Variants in FSD1L observed in about 807,000 individuals in gnomAD.
The protein encoded by FSD1L is fibronectin type III and SPRY domain containing 1 like.
In FSD1L, 45 loss-of-function variants were observed where a neutral mutation model predicts 71.6. The ratio of observed to expected loss-of-function variants is 0.63; its 90% CI spans 0.49 to 0.81. FSD1L has a LOEUF of 0.81. Among genes scored for constraint, FSD1L ranks in the 30% least tolerant of loss-of-function variants. FSD1L has a pLI of 0.00. For missense variants in FSD1L, 561 were observed against 618.1 expected, an observed-to-expected ratio of 0.91 and a Z score of 0.98; for synonymous variants, 197 against 207.2, an observed-to-expected ratio of 0.95 and a Z score of 0.42.
rs112978970 is a variant in FSD1L at position 105,522,789 on chromosome 9, T to C, written c.1025+9853T>C. 5,702 of 1,612,684 alleles carry C rather than the reference T, an allele frequency of 3.5e-3. 169 individuals carry two copies. The African/African-American group carries it at 0.066, about 19-fold the overall frequency. On this transcript the variant is annotated intron_variant, in intron 10 of 13. Transcript: ENST00000481272. The stretch of plus-strand genomic sequence containing the variant: ...TCTGATGGATGAGTTTATAGCAGAA[T>C]GACTTCGAAGTGGTAATGCCTCGAC...
chr9:105,469,438 G>GTT (rs35245547), intron 4 of FSD1L, among the ~76,000 whole-genome samples: 8 of 148,120 alleles, frequency 5.4e-5, no homozygotes, highest in Non-Finnish European at 7.5e-5. Context: ...TTATTTTCTG[G>GTT]TTTTTTTTTT....
chr9:105,469,053 A>G (rs911954063), intron 4 of FSD1L, among the ~76,000 whole-genome samples: 2 of 152,350 alleles, frequency 1.3e-5, no homozygotes, highest in Admixed American at 6.5e-5. Context: ...CACTCAGCAT[A>G]ATGTCCTCAA....
chr9:105,506,373 G>A (rs773275596), intron 7 of FSD1L, 26 bp from the exon 8 acceptor site: 3 of 1,405,126 alleles, frequency 2.1e-6, no homozygotes, highest in East Asian at 2.5e-5. Context: ...GAATGAATGA[G>A]TCTTTTTTTT....
At chr9:105,522,526 A>G (rs1367214926) in intron 10 of FSD1L, 2 of 1,613,624 alleles carry the variant, frequency 1.2e-6, no homozygotes, top group African/African-American at 2.7e-5. Flanking sequence ...GTCGATATTG[A>G]TGATGCTCAA....
chr9:105,491,895 G>T (rs1423627772), intron 7 of FSD1L, among the ~76,000 whole-genome samples: 1 of 150,878 alleles, frequency 6.6e-6, no homozygotes, highest in Non-Finnish European at 1.5e-5. Flanking sequence ...GCTGGATTCG[G>T]TTTGCCATTA....
intron 2 of FSD1L, among the ~76,000 whole-genome samples, chr9:105,462,683 T>C (rs531859552): frequency 1.3e-5 from 2 of 150,818 alleles, no homozygotes; most frequent in South Asian, 2.1e-4. Flanking sequence ...CTACCACGCC[T>C]GGCTAATTTT....
At chr9:105,454,394 C>T (rs1830235681) in intron 1 of FSD1L, among the ~76,000 whole-genome samples, 1 of 152,094 alleles carries the variant, frequency 6.6e-6, no homozygotes, top group Admixed American at 6.6e-5. Context: ...TTATAAATAT[C>T]ACAGATAAGC....
At chr9:105,463,376 T>C (rs1277836086) in intron 2 of FSD1L, among the ~76,000 whole-genome samples, 2 of 152,242 alleles carry the variant, frequency 1.3e-5, no homozygotes, top group Non-Finnish European at 2.9e-5. Context: ...TCTGAGACTA[T>C]AAATAACCTT....
chr9:105,523,629 A>G (rs1055149035), intron 10 of FSD1L: 2 of 1,609,950 alleles, frequency 1.2e-6, no homozygotes, highest in Non-Finnish European at 1.7e-6. Flanking sequence ...TCCACTGAGA[A>G]TTCTTACACC....
At chr9:105,521,088 G>A in intron 10 of FSD1L, 1 of 1,613,622 alleles carries the variant, frequency 6.2e-7, no homozygotes, top group East Asian at 2.2e-5. Context: ...GCCACATTAT[G>A]TCATGATAAA....
intron 8 of FSD1L, among the ~76,000 whole-genome samples, 199 bp downstream of exon 8, chr9:105,506,807 T>A (rs989749442): frequency 1.2e-4 from 18 of 152,036 alleles, no homozygotes; most frequent in African/African-American, 4.1e-4. Flanking sequence ...CTTGTTCTAT[T>A]ATCTCCCAGG....
chr9:105,525,973 G>A, intron 10 of FSD1L: 1 of 1,572,760 alleles, frequency 6.4e-7, no homozygotes, highest in South Asian at 1.1e-5. Flanking sequence ...AGTGCACATT[G>A]TTTGGTCAGA....
intron 7 of FSD1L, among the ~76,000 whole-genome samples, chr9:105,501,779 A>G (rs1589027976): frequency 6.6e-6 from 1 of 152,002 alleles, no homozygotes; most frequent in Non-Finnish European, 1.5e-5. Flanking sequence ...GGTCATACTT[A>G]GGTCCAAAAA....
intron 7 of FSD1L, among the ~76,000 whole-genome samples, chr9:105,501,812 T>C (rs1416887471): frequency 6.6e-6 from 1 of 152,120 alleles, no homozygotes. Flanking sequence ...AAACACAGAC[T>C]GTACTTTCCA....
At chr9:105,529,107 A>G (rs543573021) in intron 10 of FSD1L, among the ~76,000 whole-genome samples, 6 of 152,238 alleles carry the variant, frequency 3.9e-5, no homozygotes, top group Non-Finnish European at 8.8e-5. Flanking sequence ...ATCATGAAAA[A>G]GTCAGGAAAC....
At chr9:105,449,487 A>G (rs1829853508) in intron 1 of FSD1L, among the ~76,000 whole-genome samples, 2 of 152,258 alleles carry the variant, frequency 1.3e-5, no homozygotes, top group South Asian at 4.1e-4. Context: ...GCAGAGGTCA[A>G]GTGAAGGAGC....
intron 10 of FSD1L, among the ~76,000 whole-genome samples, chr9:105,533,324 G>A (rs1288599522): frequency 1.4e-5 from 2 of 147,750 alleles, no homozygotes; most frequent in African/African-American, 5.0e-5. Flanking sequence ...ATAAGAGGAA[G>A]TCAAGGTGGA....
chr9:105,523,063 C>A (rs891355348), intron 10 of FSD1L: 3 of 1,614,136 alleles, frequency 1.9e-6, no homozygotes, highest in Non-Finnish European at 2.5e-6. Context: ...GGGGTTACGT[C>A]CTCTGCTGAT....
rs548362867 is a variant in FSD1L, at chr9:105,524,507, C to T, written c.1026-9986C>T. 207 of 1,613,716 alleles carry T rather than the reference C, an allele frequency of 1.3e-4. 1 individual carries two copies. In the African/African-American group the frequency reaches 2.1e-3, roughly 16 times the overall value. ...CATTTCATGCTACGGGAGCAGAAAG[C>T]GATAAAACAGAAAAATCTGTTCTCA... On this transcript the variant is annotated intron_variant, in intron 10 of 13. Coordinates refer to ENST00000481272, the MANE Select transcript of FSD1L (RefSeq NM_001145313.3).
Sources: gnomAD v4.1 joint callset for allele counts (sites outside exome capture counted in the v4.1 genomes callset) on GRCh38, gnomAD v4.1.1 for gene constraint, MANE v1.5 for transcripts, NCBI Gene and HGNC (gene_info 2026-07-23, HGNC 2026-07-21) for gene names.